The following LY75 variants were observed in gnomAD, a reference collection of about 807,000 sequenced individuals.
The protein encoded by LY75 is lymphocyte antigen 75, also known as C-type lectin domain family 13 member B.
LY75 carries 185 observed loss-of-function variants against 231.7 expected under a neutral mutation model. That is an observed-to-expected ratio of 0.80 (90% CI 0.71 to 0.90). LY75 has a LOEUF of 0.90. Ranked by LOEUF, LY75 falls within the 40% of genes least tolerant of loss-of-function variation. The pLI, the probability that LY75 is intolerant of heterozygous loss-of-function variation, is 0.00. For missense variants in LY75, 1,947 were observed against 2,050.2 expected (o/e 0.95, Z 0.97); for synonymous variants, 668 against 689.0 (o/e 0.97, Z 0.48).
At chr2:159,882,385 C>A in intron 6 of LY75, 70 bp from the exon 7 acceptor site, 5 of 1,537,214 alleles carry the variant, frequency 3.3e-6, no homozygotes, top group Non-Finnish European at 3.5e-6. Flanking sequence ...ATTGCAAATT[C>A]TTTTTTCTTG....
rs147426264 is a variant in LY75 at position 159,882,094 on chromosome 2, C to T, written c.1246+30G>A. The T allele has an allele frequency of 2.0e-4, 314 of 1,594,290 alleles. No homozygotes were observed. The African/African-American group carries it at 3.7e-3, about 19-fold the overall frequency. On this transcript the variant is annotated intron_variant, in intron 7 of 34. Transcript: ENST00000263636. ...AGGGATACTTTAAAATGGCTTAAGC[C>T]TCTCAAATAGGGTATTTTTAAAAAC...
At chr2:159,904,742 TGCTGAGCGCGGCCTGCCCCGCCC>T (rs1686190903) in exon 1 of LY75, 5 of 1,353,064 alleles carry the variant, frequency 3.7e-6, no homozygotes, top group South Asian at 8.7e-5. Context: ...CCGCCCCGCC[TGCTGAGCGCGGCCTGCCCCGCCC>T]GCACCTCTGT....
chr2:159,808,445 T>C lies in LY75; in HGVS notation c.4822+4A>G, dbSNP rs1202072487. On this transcript the variant is annotated splice_donor_region_variant and intron_variant, in intron 33 of 34. Coordinates refer to ENST00000263636, the MANE Select transcript of LY75 (RefSeq NM_002349.4). ...CACACTACACATACAATTATTTCAC[T>C]TACCAACAGAATGTTGAGATAATCC... 1 of 1,613,650 alleles carries C rather than the reference T, an allele frequency of 6.2e-7. No individual in the cohort carries two copies. The highest frequency in any genetic ancestry group is 2.2e-5 in the East Asian group (1 of 44,802).
intron 13 of LY75, among the ~76,000 whole-genome samples, chr2:159,866,277 C>T (rs1258423598): frequency 6.6e-6 from 1 of 152,100 alleles, no homozygotes; most frequent in African/African-American, 2.4e-5. Context: ...GAATTTTAAA[C>T]TGATTTCTTA....
intron 15 of LY75, 50 bp downstream of exon 15, chr2:159,860,771 G>T: frequency 6.3e-7 from 1 of 1,599,882 alleles, no homozygotes; most frequent in South Asian, 1.1e-5. Context: ...GACTGCATAT[G>T]ATGATGGACT....
At chr2:159,869,420 TTAA>T (rs1402422958) in intron 13 of LY75, among the ~76,000 whole-genome samples, 4 of 152,076 alleles carry the variant, frequency 2.6e-5, no homozygotes, top group Non-Finnish European at 5.9e-5. Flanking sequence ...GAGAACTGGG[TTAA>T]TGTCAGTGAA....
At chr2:159,875,422 T>C (rs770397105) in intron 12 of LY75, 22 bp downstream of exon 12, 3 of 1,606,836 alleles carry the variant, frequency 1.9e-6, no homozygotes, top group South Asian at 2.2e-5. Context: ...CATTGAAGGA[T>C]AGAATGAGAA....
Position 159,804,064 on chromosome 2 carries a change from A to G in LY75, c.*980T>C, listed in dbSNP as rs1682728299. On this transcript the variant is annotated 3_prime_UTR_variant, in exon 35 of 35. Transcript: ENST00000263636. ...CTCAATCTAAAAATAATGTTCCCAC[A>G]CTTGGGAAAATGTTAAGCACTAAAT... 6.6e-6 allele frequency: 1 copy of G among 152,244 alleles called. No individual in the cohort carries two copies. Among genetic ancestry groups the G allele is most frequent in the Non-Finnish European group, 1.5e-5 (1 of 68,042 alleles). The allele number at this position is 152,244 out of a possible 1,614,324, so 9.4% of individuals were successfully genotyped here.
chr2:159,870,943 C>T (rs1196138469), intron 13 of LY75, among the ~76,000 whole-genome samples: 8 of 151,964 alleles, frequency 5.3e-5, no homozygotes. Context: ...TTTTCCTCTG[C>T]TTAATATATA....
intron 1 of LY75, among the ~76,000 whole-genome samples, chr2:159,900,817 G>A (rs1209540740): frequency 6.6e-6 from 1 of 152,172 alleles, no homozygotes; most frequent in African/African-American, 2.4e-5. Flanking sequence ...AGCTAAGGAT[G>A]TTTGCCATAG....
At position 159,805,059 on chromosome 2, in the gene LY75, A is replaced by G. The variant is rs1682751690; in HGVS notation, c.5154T>C (p.Pro1718=). 6.2e-7 allele frequency: 1 copy of G among 1,613,560 alleles called. No individual in the cohort carries two copies. Among genetic ancestry groups the G allele is most frequent in the South Asian group, 1.1e-5 (1 of 90,904 alleles). ...QGVNEDEIML[P]SFHD is the part of the protein sequence containing the mutation. Reference sequence around the variant, plus strand: ...TTAGAAGAATTTAGTCATGGAAAGAAGGAAGCATAATCTCATCTTCATTCA... The same window carrying G: ...TTAGAAGAATTTAGTCATGGAAAGAGGGAAGCATAATCTCATCTTCATTCA... The change falls in exon 35 of 35, where the codon CCT becomes CCC. Residue 1718 remains proline (P), a synonymous_variant. Coordinates refer to ENST00000263636, the MANE Select transcript of LY75 (RefSeq NM_002349.4).
intron 28 of LY75, among the ~76,000 whole-genome samples, chr2:159,824,909 T>C (rs538652320): frequency 2.6e-4 from 39 of 152,184 alleles, no homozygotes; most frequent in African/African-American, 7.7e-4. Flanking sequence ...TTGAAACCAA[T>C]GAGAACAAAG....
rs1033643856 is a variant in LY75, at chr2:159,882,200, T to C, written c.1170A>G (p.Lys390=). 2.5e-6 allele frequency: 4 copies of C among 1,614,076 alleles called. No individual in the cohort carries two copies. Among genetic ancestry groups the C allele is most frequent in the Non-Finnish European group, 2.5e-6 (3 of 1,179,946 alleles). The part of the protein sequence containing the change: ...NSWDKAHAKC[K]AFSSDLISIH... ...TGCTGATTAGGTCACTACTGAAGGC[T>C]TTGCATTTCGCATGTGCCTTATCCC... The change falls in exon 7 of 35, where the codon AAA becomes AAG. Residue 390 remains lysine (K), a synonymous_variant. Coordinates refer to ENST00000263636, the MANE Select transcript of LY75 (RefSeq NM_002349.4).
chr2:159,855,681 T>C (rs772126048), intron 16 of LY75, among the ~76,000 whole-genome samples: 1 of 152,206 alleles, frequency 6.6e-6, no homozygotes, highest in Non-Finnish European at 1.5e-5. Context: ...GATGGCTACC[T>C]GACTCACAGA....
intron 11 of LY75, among the ~76,000 whole-genome samples, chr2:159,876,766 G>A (rs138478365): frequency 6.2e-4 from 94 of 152,092 alleles, no homozygotes; most frequent in African/African-American, 2.2e-3. Flanking sequence ...AGCACTTTCG[G>A]AGGCTGAGGT....
rs562291715 is a variant in LY75, at chr2:159,892,490, C to G, written c.637+1424G>C. Among the ~76,000 whole-genome samples, 14 of 152,286 alleles carry G rather than the reference C, an allele frequency of 9.2e-5. No homozygotes were observed. In the South Asian group the frequency reaches 2.9e-3, roughly 32 times the overall value. On this transcript the variant is annotated intron_variant, in intron 3 of 34. Transcript: ENST00000263636. ...TAAAGTATGGTACCTTTCAGGGTTG[C>G]TGTGAGGACTGAATGAGTTAATGTA...
intron 23 of LY75, among the ~76,000 whole-genome samples, chr2:159,846,655 C>G (rs1391789667): frequency 6.6e-6 from 1 of 152,078 alleles, no homozygotes; most frequent in African/African-American, 2.4e-5. Flanking sequence ...AGGAAATATA[C>G]AGATTTGAAC....
At chr2:159,852,117 A>G (rs1489304220) in intron 21 of LY75, 84 bp downstream of exon 21, 3 of 1,531,630 alleles carry the variant, frequency 2.0e-6, no homozygotes, top group Non-Finnish European at 2.6e-6. Context: ...TGATGTTGTC[A>G]CTAATGGGTT....
At chr2:159,825,511 C>A (rs987214545) in intron 28 of LY75, among the ~76,000 whole-genome samples, 2 of 152,188 alleles carry the variant, frequency 1.3e-5, no homozygotes, top group Non-Finnish European at 2.9e-5. Flanking sequence ...AGATTCACAG[C>A]TGAATTCTAC....
Sources: gnomAD v4.1 joint callset for allele counts (sites outside exome capture counted in the v4.1 genomes callset) on GRCh38, gnomAD v4.1.1 for gene constraint, MANE v1.5 for transcripts, NCBI Gene and HGNC (gene_info 2026-07-23, HGNC 2026-07-21) for gene names.